The following KIAA1143 variants were observed in gnomAD, a reference collection of about 807,000 sequenced individuals.
The protein encoded by KIAA1143 is KIAA1143.
Under a neutral mutation model 17.0 loss-of-function variants are expected in KIAA1143, and 8 were observed. The ratio of observed to expected loss-of-function variants is 0.47; its 90% confidence interval spans 0.28 to 0.85. The LOEUF is 0.85. Among genes scored for constraint, KIAA1143 ranks in the 40% least tolerant of loss-of-function variants. The pLI is 0.12. For synonymous variants in KIAA1143, 64 were observed against 67.8 expected, an observed-to-expected ratio of 0.94 and a Z score of 0.27; for missense variants, 162 against 183.3, an observed-to-expected ratio of 0.88 and a Z score of 0.67.
In KIAA1143 at chr3:44,753,358, C is replaced by T. The variant is rs144499231; in HGVS notation, c.448G>A (p.Glu150Lys). The change falls in exon 3 of 3, where the codon GAA (glutamate) becomes AAA (lysine). Residue 150 changes from glutamate to lysine, a missense_variant. By Grantham distance (56) the Glu-to-Lys change is moderately conservative (BLOSUM62 1). Coordinates refer to ENST00000296121, the MANE Select transcript of KIAA1143 (RefSeq NM_020696.4). ...KNSSLLSFDN[E>K]DENE The stretch of plus-strand genomic sequence containing the variant: ...ATTTACACTTACTCATTTTCATCTT[C>T]GTTGTCAAAAGAAAGGAGGCTACTA... 88 of 1,599,510 alleles carry T rather than the reference C, an allele frequency of 5.5e-5. No individual in the cohort carries two copies. The highest frequency in any genetic ancestry group is 3.3e-4 in the African/African-American group (25 of 74,630).
chr3:44,756,616 A>G (rs928156082), intron 1 of KIAA1143, among the ~76,000 whole-genome samples: 2 of 152,254 alleles, frequency 1.3e-5, no homozygotes, highest in East Asian at 1.9e-4. Flanking sequence ...ATGATTTCCC[A>G]TGAAACTCAT....
chr3:44,755,653 G>A (rs984693432), intron 1 of KIAA1143, among the ~76,000 whole-genome samples: 5 of 152,188 alleles, frequency 3.3e-5, no homozygotes, highest in Non-Finnish European at 7.4e-5. Context: ...TCCTACTCAA[G>A]CTGCCTTCCA....
rs1369887844 is a variant in KIAA1143 at position 44,749,610 on chromosome 3, C to T, written c.*3731G>A. ...TAAAGTGCTTCCCCTCCCTTCCCTA[C>T]CCCAACATTTGGAGAAATCTCTCAC... is the stretch of plus-strand genomic sequence containing the variant. On this transcript the variant is annotated 3_prime_UTR_variant, in exon 3 of 3. Transcript: ENST00000296121. The T allele has an allele frequency of 1.3e-5, 2 of 152,020 alleles. No homozygotes were observed. Among genetic ancestry groups the T allele is most frequent in the Non-Finnish European group, 2.9e-5 (2 of 68,018 alleles). 9.4% of individuals were successfully genotyped at this position (152,020 alleles called of 1,614,324 possible).
chr3:44,755,234 C>T (rs1195603651), intron 1 of KIAA1143, among the ~76,000 whole-genome samples: 1 of 152,088 alleles, frequency 6.6e-6, no homozygotes. Flanking sequence ...AAATTTTGCT[C>T]GTTTCCAGAT....
At chr3:44,755,706 C>A (rs1704958576) in intron 1 of KIAA1143, among the ~76,000 whole-genome samples, 2 of 152,242 alleles carry the variant, frequency 1.3e-5, no homozygotes, top group African/African-American at 4.8e-5. Context: ...CTCACCTTCT[C>A]TTGTTTCTTA....
rs531976591 is a variant in KIAA1143, at chr3:44,760,077, GAACC to G, written c.108+1414_108+1417del. On this transcript the variant is annotated intron_variant, in intron 1 of 2. Coordinates refer to ENST00000296121, the MANE Select transcript of KIAA1143 (RefSeq NM_020696.4). The stretch of plus-strand genomic sequence containing the variant: ...GATGGCTTCTTTCCTTAAACCTCAT[GAACC>G]AACCTCTGTTAGCTTCACACTTTTC... Among the ~76,000 whole-genome samples, 192 of 152,096 alleles carry G rather than the reference GAACC, an allele frequency of 1.3e-3. 3 individuals carry two copies. The highest frequency in any genetic ancestry group is 4.0e-3 in the African/African-American group (166 of 41,516).
intron 1 of KIAA1143, among the ~76,000 whole-genome samples, chr3:44,757,456 C>T (rs913167203): frequency 6.6e-6 from 1 of 152,190 alleles, no homozygotes; most frequent in Non-Finnish European, 1.5e-5. Context: ...TAACCATGCT[C>T]GAGAGTCTAT....
chr3:44,759,307 T>C (rs1705022444), intron 1 of KIAA1143, among the ~76,000 whole-genome samples: 1 of 152,206 alleles, frequency 6.6e-6, no homozygotes, highest in Non-Finnish European at 1.5e-5. Context: ...ACCAAGTGTA[T>C]TGTCCATGAG....
At chr3:44,760,112 C>A (rs549578478) in intron 1 of KIAA1143, among the ~76,000 whole-genome samples, 1 of 152,246 alleles carries the variant, frequency 6.6e-6, no homozygotes, top group Admixed American at 6.5e-5. Context: ...TTTTCTTCTG[C>A]AGCTTTCTCA....
chr3:44,758,400 C>T (rs1705009039), intron 1 of KIAA1143, among the ~76,000 whole-genome samples: 1 of 152,232 alleles, frequency 6.6e-6, no homozygotes, highest in African/African-American at 2.4e-5. Flanking sequence ...AATCAGTCCT[C>T]TTAAACCTGC....
In KIAA1143 at chr3:44,761,336, C is replaced by T. The variant is rs561387116; in HGVS notation, c.108+159G>A. Among the ~76,000 whole-genome samples, 9 of 152,272 alleles carry T rather than the reference C, an allele frequency of 5.9e-5. No individual in the cohort carries two copies. In the South Asian group the frequency reaches 1.9e-3, roughly 32 times the overall value. On this transcript the variant is annotated intron_variant, in intron 1 of 2. Coordinates refer to ENST00000296121, the MANE Select transcript of KIAA1143 (RefSeq NM_020696.4). ...TCCTGGGCGTAGGGGGCTGTGGTCG[C>T]TTGAAAAGAACCAGCCTGGGGGTCC...
In KIAA1143 at chr3:44,752,201, C is replaced by A. The variant is rs1704900658; in HGVS notation, c.*1140G>T. The A allele has an allele frequency of 6.6e-6, 1 of 152,194 alleles. No homozygotes were observed. Among genetic ancestry groups the A allele is most frequent in the Non-Finnish European group, 1.5e-5 (1 of 68,036 alleles). The allele number at this position is 152,194 out of a possible 1,614,324, so 9.4% of individuals were successfully genotyped here. ...TGGTCCCCTCCTGCAACCAATCAGACTGGTCATAGGCCAAGTCCTCATTTA... is the reference window on the plus strand; with the variant it reads ...TGGTCCCCTCCTGCAACCAATCAGAATGGTCATAGGCCAAGTCCTCATTTA... On this transcript the variant is annotated 3_prime_UTR_variant, in exon 3 of 3. Transcript: ENST00000296121.
At chr3:44,758,604 G>C (rs1213634270) in intron 1 of KIAA1143, among the ~76,000 whole-genome samples, 1 of 152,046 alleles carries the variant, frequency 6.6e-6, no homozygotes, top group Non-Finnish European at 1.5e-5. Flanking sequence ...TCTAATTCTA[G>C]TTCTTTTGCT....
At chr3:44,754,406 T>C (rs775914417) in intron 1 of KIAA1143, 38 bp from the exon 2 acceptor site, 1 of 1,565,264 alleles carries the variant, frequency 6.4e-7, no homozygotes, top group East Asian at 2.3e-5. Flanking sequence ...AGATCACTGA[T>C]CTTGAGACAA....
chr3:44,757,491 C>A (rs919014710), intron 1 of KIAA1143, among the ~76,000 whole-genome samples: 6 of 152,228 alleles, frequency 3.9e-5, no homozygotes, highest in African/African-American at 1.4e-4. Context: ...TCCACGAAGT[C>A]TAACCTGATA....
chr3:44,758,977 C>A (rs1705016153), intron 1 of KIAA1143, among the ~76,000 whole-genome samples: 1 of 151,926 alleles, frequency 6.6e-6, no homozygotes, highest in Non-Finnish European at 1.5e-5. Context: ...AATCCTCCCA[C>A]CTCAGCCTCC....
intron 1 of KIAA1143, 46 bp from the exon 2 acceptor site, chr3:44,754,414 C>T: frequency 2.6e-6 from 4 of 1,532,606 alleles, no homozygotes; most frequent in Non-Finnish European, 3.6e-6. Context: ...GATCTTGAGA[C>T]AAACAGAACC....
Position 44,761,578 on chromosome 3 carries a change from A to G in KIAA1143, c.25T>C (p.Tyr9His), listed in dbSNP as rs1705127041. ...AACGCCGGCTCGGCTGGCCGCACGT[A>G]CGATACCTGGTTCCGCTTGCTCATG... MSKRNQVSYVRPAEPAFLA... is the reference protein window; with the variant it reads MSKRNQVSHVRPAEPAFLA... Residue 9 changes from tyrosine to histidine, a missense_variant, in exon 1 of 3, where the codon TAC (tyrosine) becomes CAC (histidine). Transcript: ENST00000296121. 1.9e-6 allele frequency: 3 copies of G among 1,613,274 alleles called. No individual in the cohort carries two copies.
At position 44,761,559 on chromosome 3, in the gene KIAA1143, G is replaced by C. The variant is rs372890637; in HGVS notation, c.44C>G (p.Pro15Arg). 256 of 1,614,000 alleles carry C rather than the reference G, an allele frequency of 1.6e-4. No individual in the cohort carries two copies. The highest frequency in any genetic ancestry group is 1.9e-4 in the Non-Finnish European group (230 of 1,180,046). ...TTCCTTGAAGCGGGCCAGAAACGCC[G>C]GCTCGGCTGGCCGCACGTACGATAC... Reference protein sequence around the residue: ...NQVSYVRPAEPAFLARFKERV... With the variant: ...NQVSYVRPAERAFLARFKERV... The change falls in exon 1 of 3, where the codon CCG (proline) becomes CGG (arginine). Residue 15 changes from proline to arginine, a missense_variant. Coordinates refer to ENST00000296121, the MANE Select transcript of KIAA1143 (RefSeq NM_020696.4).
Sources: gnomAD v4.1 joint callset for allele counts (sites outside exome capture counted in the v4.1 genomes callset) on GRCh38, gnomAD v4.1.1 for gene constraint, MANE v1.5 for transcripts, NCBI Gene and HGNC (gene_info 2026-07-23, HGNC 2026-07-21) for gene names.